The following CDC42BPA variants were observed in gnomAD, a reference collection of about 807,000 sequenced individuals.
CDC42BPA encodes the protein CDC42 binding protein kinase alpha.
A neutral mutation model predicts 223.5 loss-of-function variants in CDC42BPA; 80 were observed. The ratio of observed to expected loss-of-function variants is 0.36; its 90% confidence interval spans 0.30 to 0.43. CDC42BPA has a LOEUF of 0.43. Ranked by LOEUF, CDC42BPA falls within the 20% of genes least tolerant of loss-of-function variation. The pLI is 1.00. For synonymous variants in CDC42BPA, 694 were observed against 718.6 expected, an observed-to-expected ratio of 0.97 and a Z score of 0.55; for missense variants, 1,743 against 2,099.9, an observed-to-expected ratio of 0.83 and a Z score of 3.32.
chr1:227,180,121 G>C lies in CDC42BPA; in HGVS notation c.599+13665C>G, dbSNP rs545916498. Reference sequence around the variant, plus strand: ...CTCAGGAGGCTGAGGCACGAGACTCGCTTGAACGCAGGAGGCAGATGTTGC... The same window carrying C: ...CTCAGGAGGCTGAGGCACGAGACTCCCTTGAACGCAGGAGGCAGATGTTGC... On this transcript the variant is annotated intron_variant, in intron 5 of 36. Transcript: ENST00000366766. 5.3e-5 allele frequency among the ~76,000 whole-genome samples: 8 copies of C among 152,202 alleles called. No homozygotes were observed. In the South Asian group the frequency reaches 1.5e-3, roughly 28 times the overall value.
chr1:227,001,916 A>G (rs967772765), intron 35 of CDC42BPA, among the ~76,000 whole-genome samples: 1 of 150,802 alleles, frequency 6.6e-6, no homozygotes, highest in African/African-American at 2.4e-5. Flanking sequence ...CAAAAAAAAC[A>G]AAAACAAAAA....
chr1:227,091,448 T>TCC (rs1558477163), intron 16 of CDC42BPA, among the ~76,000 whole-genome samples: 2 of 152,268 alleles, frequency 1.3e-5, no homozygotes, highest in Admixed American at 1.3e-4. Flanking sequence ...TCTTGCTCCC[T>TCC]CCCTTGCCCT....
At chr1:227,034,945 C>T (rs1057481742) in intron 25 of CDC42BPA, 151 bp from the exon 26 acceptor site, 5 of 578,730 alleles carry the variant, frequency 8.6e-6, no homozygotes, top group African/African-American at 5.7e-5. Flanking sequence ...AGATGAGACA[C>T]ATATCATTAA....
intron 15 of CDC42BPA, among the ~76,000 whole-genome samples, chr1:227,095,463 A>G (rs976118831): frequency 6.6e-6 from 1 of 152,160 alleles, no homozygotes; most frequent in African/African-American, 2.4e-5. Context: ...TATTATTATA[A>G]TATTACAAAG....
chr1:227,070,010 A>G (rs1311885656), intron 20 of CDC42BPA, among the ~76,000 whole-genome samples, 157 bp from the exon 21 acceptor site: 1 of 151,906 alleles, frequency 6.6e-6, no homozygotes, highest in Non-Finnish European at 1.5e-5. Flanking sequence ...AAACTAAAAT[A>G]CACTAGTGTT....
chr1:227,151,832 G>A lies in CDC42BPA; in HGVS notation c.694-4273C>T, dbSNP rs544967615. Among the ~76,000 whole-genome samples the A allele has an allele frequency of 3.6e-5, 5 of 137,596 alleles. No individual in the cohort carries two copies. The East Asian group carries it at 1.1e-3, about 29-fold the overall frequency. 90.3% of individuals were successfully genotyped at this position (137,596 alleles called of 152,430 possible). On this transcript the variant is annotated intron_variant, in intron 6 of 36. Coordinates refer to ENST00000366766, the MANE Select transcript of CDC42BPA (RefSeq NM_001394014.1). ...GGCTGAGGTGGGTCAATCACTTGAGGTCAGGAGTTTGAGACCAACCTGGCC... is the reference window on the plus strand; with the variant it reads ...GGCTGAGGTGGGTCAATCACTTGAGATCAGGAGTTTGAGACCAACCTGGCC...
At chr1:227,188,786 G>A (rs1669245956) in intron 5 of CDC42BPA, among the ~76,000 whole-genome samples, 1 of 152,124 alleles carries the variant, frequency 6.6e-6, no homozygotes, top group Admixed American at 6.5e-5. Flanking sequence ...ACGTTGTTCT[G>A]CATTTGTCAA....
intron 34 of CDC42BPA, among the ~76,000 whole-genome samples, chr1:227,005,997 T>C (rs1048420020): frequency 1.3e-5 from 2 of 152,204 alleles, no homozygotes; most frequent in African/African-American, 4.8e-5. Context: ...GAGGATGAGA[T>C]GTTGGGGCTG....
intron 1 of CDC42BPA, among the ~76,000 whole-genome samples, chr1:227,308,508 T>TAAA (rs1692944929): frequency 2.2e-5 from 1 of 45,410 alleles, no homozygotes; most frequent in Non-Finnish European, 4.3e-5. Context: ...AGACTGTATC[T>TAAA]CAAAAAAAAA....
At chr1:227,254,306 CAG>C (rs1305906014) in intron 1 of CDC42BPA, 151 bp from the exon 2 acceptor site, 14 of 510,632 alleles carry the variant, frequency 2.7e-5, no homozygotes, top group Non-Finnish European at 4.4e-5. Flanking sequence ...TGAGAATAAA[CAG>C]ATTTAATTTC....
intron 15 of CDC42BPA, among the ~76,000 whole-genome samples, chr1:227,094,994 T>C (rs1572771227): frequency 6.6e-6 from 1 of 152,222 alleles, no homozygotes; most frequent in South Asian, 2.1e-4. Flanking sequence ...CTATGGTAGG[T>C]GTCTTCAGAT....
At chr1:227,057,340 T>C (rs1472306298) in intron 21 of CDC42BPA, among the ~76,000 whole-genome samples, 1 of 146,958 alleles carries the variant, frequency 6.8e-6, no homozygotes, top group Non-Finnish European at 1.5e-5. Context: ...TTTGTAATAC[T>C]ACCTCATTCA....
At chr1:227,157,928 C>G (rs1663109458) in intron 6 of CDC42BPA, among the ~76,000 whole-genome samples, 1 of 149,726 alleles carries the variant, frequency 6.7e-6, no homozygotes, top group Admixed American at 6.7e-5. Flanking sequence ...GCTACATTTT[C>G]CTTTGTTTTC....
chr1:227,057,131 T>G (rs1006908151), intron 21 of CDC42BPA, among the ~76,000 whole-genome samples: 1 of 152,196 alleles, frequency 6.6e-6, no homozygotes, highest in African/African-American at 2.4e-5. Flanking sequence ...ATGAACAATC[T>G]GAAATAATAC....
At chr1:227,236,151 T>C (rs1001781942) in intron 2 of CDC42BPA, among the ~76,000 whole-genome samples, 2 of 152,226 alleles carry the variant, frequency 1.3e-5, no homozygotes, top group Non-Finnish European at 2.9e-5. Context: ...ACTCTGCTAG[T>C]TGCAGACTAT....
intron 22 of CDC42BPA, among the ~76,000 whole-genome samples, chr1:227,048,431 C>A (rs1375117518): frequency 1.3e-5 from 2 of 151,848 alleles, no homozygotes; most frequent in Non-Finnish European, 2.9e-5. Flanking sequence ...AACTTTCATA[C>A]ATAGAACATA....
Position 226,992,482 on chromosome 1 carries a change from C to T in CDC42BPA, c.*1786G>A, listed in dbSNP as rs1465182275. On this transcript the variant is annotated 3_prime_UTR_variant, in exon 37 of 37. Coordinates refer to ENST00000366766, the MANE Select transcript of CDC42BPA (RefSeq NM_001394014.1). ...CACAGCAGCATCACCTGGAAACAGC[C>T]TCAGCTCCCTGCACATGCCGCAGGC... The T allele has an allele frequency of 1.3e-5, 2 of 152,404 alleles. No individual in the cohort carries two copies. Among genetic ancestry groups the T allele is most frequent in the Non-Finnish European group, 2.9e-5 (2 of 68,076 alleles). 9.4% of individuals were successfully genotyped at this position (152,404 alleles called of 1,614,324 possible). A position where few individuals can be genotyped will look rare whatever the true frequency, so the allele number is the denominator to read the frequency against.
At chr1:227,142,446 C>T (rs1659859149) in intron 9 of CDC42BPA, among the ~76,000 whole-genome samples, 1 of 152,042 alleles carries the variant, frequency 6.6e-6, no homozygotes, top group Non-Finnish European at 1.5e-5. Context: ...CATTCTTTCC[C>T]CTCCAAAACG....
chr1:227,262,466 C>T (rs1572705785), intron 1 of CDC42BPA, among the ~76,000 whole-genome samples: 1 of 141,712 alleles, frequency 7.1e-6, no homozygotes, highest in African/African-American at 2.7e-5. Flanking sequence ...GCTATGAATT[C>T]CTCCCAAGAA....
Sources: allele counts gnomAD v4.1 joint callset (sites outside exome capture counted in the v4.1 genomes callset), GRCh38; gene constraint gnomAD v4.1.1; transcripts MANE v1.5; gene names NCBI Gene and HGNC (gene_info 2026-07-23, HGNC 2026-07-21).